SLC4A10: variants seen among roughly 807,000 people sequenced by gnomAD.
SLC4A10 encodes solute carrier family 4 member 10.
A neutral mutation model predicts 137.7 loss-of-function variants in SLC4A10; 42 were observed. The ratio of observed to expected loss-of-function variants is 0.30; its 90% CI spans 0.24 to 0.39. SLC4A10 has a LOEUF of 0.39. Among genes scored for constraint, SLC4A10 ranks in the 10% least tolerant of loss-of-function variants. SLC4A10 has a pLI of 1.00. For synonymous variants in SLC4A10, 474 were observed against 464.1 expected, an observed-to-expected ratio of 1.02 and a Z score of -0.27; for missense variants, 925 against 1,355.0, an observed-to-expected ratio of 0.68 and a Z score of 4.98.
At chr2:161,873,201 AACTG>A (rs1427833148) in intron 7 of SLC4A10, among the ~76,000 whole-genome samples, 4 of 152,178 alleles carry the variant, frequency 2.6e-5, no homozygotes, top group African/African-American at 9.7e-5. Context: ...ACATATTAAG[AACTG>A]ACTGTGTTGA....
At chr2:161,659,105 T>A (rs1298154578) in intron 1 of SLC4A10, among the ~76,000 whole-genome samples, 1 of 152,190 alleles carries the variant, frequency 6.6e-6, no homozygotes, top group Non-Finnish European at 1.5e-5. Flanking sequence ...CCTTCATTCA[T>A]GTGTTTATTA....
intron 3 of SLC4A10, among the ~76,000 whole-genome samples, chr2:161,810,069 G>C (rs2056389478): frequency 6.6e-6 from 1 of 151,928 alleles, no homozygotes; most frequent in South Asian, 2.1e-4. Context: ...GTGTTTTGTA[G>C]TTCTCCTTGT....
chr2:161,956,524 C>T (rs1477157341), intron 19 of SLC4A10, among the ~76,000 whole-genome samples: 4 of 151,896 alleles, frequency 2.6e-5, no homozygotes, highest in Non-Finnish European at 5.9e-5. Context: ...AGCACCCTGT[C>T]TGTGCAAGAG....
chr2:161,767,254 A>G (rs922515719), intron 1 of SLC4A10, among the ~76,000 whole-genome samples: 2 of 138,350 alleles, frequency 1.4e-5, no homozygotes, highest in Admixed American at 1.5e-4. Flanking sequence ...ATATATATAT[A>G]TTCAGGCTTT....
At chr2:161,979,523 TGTGA>T in intron 26 of SLC4A10, among the ~76,000 whole-genome samples, 1 of 152,264 alleles carries the variant, frequency 6.6e-6, no homozygotes, top group Non-Finnish European at 1.5e-5. Flanking sequence ...TGGTTTTCCA[TGTGA>T]GAAACATCTT....
At position 161,711,134 on chromosome 2, in the gene SLC4A10, C is replaced by T. The variant is rs189825503; in HGVS notation, c.49-59839C>T. On this transcript the variant is annotated intron_variant, in intron 1 of 26. Coordinates refer to ENST00000446997, the MANE Select transcript of SLC4A10 (RefSeq NM_001178015.2). ...AAGACTTTTAGAGTGCATAGTTTCTCGTATAGGGCTTTATAAACTGTGAAT... is the reference window on the plus strand; with the variant it reads ...AAGACTTTTAGAGTGCATAGTTTCTTGTATAGGGCTTTATAAACTGTGAAT... Among the ~76,000 whole-genome samples, 237 of 151,854 alleles carry T rather than the reference C, an allele frequency of 1.6e-3. 1 individual carries two copies. The highest frequency in any genetic ancestry group is 5.4e-3 in the African/African-American group (224 of 41,484).
rs544280511 is a variant in SLC4A10, at chr2:161,628,179, C to A, written c.48+3613C>A. 4.6e-5 allele frequency among the ~76,000 whole-genome samples: 7 copies of A among 152,088 alleles called. No individual in the cohort carries two copies. In the East Asian group the frequency reaches 1.4e-3, roughly 29 times the overall value. ...GAATTTGCTTTTAGGAGTAACCTAACAATTTAAAAATTATCAGGCCATGGA... is the reference window on the plus strand; with the variant it reads ...GAATTTGCTTTTAGGAGTAACCTAAAAATTTAAAAATTATCAGGCCATGGA... On this transcript the variant is annotated intron_variant, in intron 1 of 26. Coordinates refer to ENST00000446997, the MANE Select transcript of SLC4A10 (RefSeq NM_001178015.2).
chr2:161,969,646 G>GATCATGA (rs1313920473), intron 23 of SLC4A10, among the ~76,000 whole-genome samples: 1 of 152,130 alleles, frequency 6.6e-6, no homozygotes, highest in Non-Finnish European at 1.5e-5. Flanking sequence ...CTGTGGAAGT[G>GATCATGA]ATCATGATAG....
chr2:161,666,119 G>A (rs947779987), intron 1 of SLC4A10, among the ~76,000 whole-genome samples: 3 of 151,156 alleles, frequency 2.0e-5, no homozygotes, highest in African/African-American at 7.3e-5. Context: ...AATAAAAAAA[G>A]GACAGGTATC....
chr2:161,771,201 G>C, intron 2 of SLC4A10, 147 bp downstream of exon 2: 1 of 614,536 alleles, frequency 1.6e-6, no homozygotes, highest in Non-Finnish European at 2.9e-6. Flanking sequence ...TGATTGTTTT[G>C]GTACAGTTTG....
At position 161,906,178 on chromosome 2, in the gene SLC4A10, G is replaced by A. The variant is rs186705811; in HGVS notation, c.1997+291G>A. ...GAACCAATTCCATTTTAATATACAC[G>A]AATTTTACCTTAGCGAAATATATGT... On this transcript the variant is annotated intron_variant, in intron 15 of 26. Coordinates refer to ENST00000446997, the MANE Select transcript of SLC4A10 (RefSeq NM_001178015.2). 5.3e-3 allele frequency among the ~76,000 whole-genome samples: 806 copies of A among 152,148 alleles called. 2 individuals carry two copies. Among genetic ancestry groups the A allele is most frequent in the African/African-American group, 0.015 (630 of 41,506 alleles).
chr2:161,840,309 A>T (rs1175877853), intron 4 of SLC4A10, among the ~76,000 whole-genome samples: 1 of 152,246 alleles, frequency 6.6e-6, no homozygotes, highest in African/African-American at 2.4e-5. Flanking sequence ...GGCAAATATT[A>T]TGATAAAATG....
intron 8 of SLC4A10, among the ~76,000 whole-genome samples, chr2:161,875,577 G>T (rs1345500174): frequency 6.6e-6 from 1 of 152,176 alleles, no homozygotes; most frequent in Non-Finnish European, 1.5e-5. Flanking sequence ...TTAAAAAGCA[G>T]ATGTGTCAAA....
At chr2:161,889,881 G>A (rs1190620907) in intron 10 of SLC4A10, among the ~76,000 whole-genome samples, 3 of 152,170 alleles carry the variant, frequency 2.0e-5, no homozygotes, top group East Asian at 1.9e-4. Flanking sequence ...TGTGATGTTA[G>A]GGTGTCAATT....
At chr2:161,633,501 G>T (rs2033923258) in intron 1 of SLC4A10, among the ~76,000 whole-genome samples, 1 of 151,524 alleles carries the variant, frequency 6.6e-6, no homozygotes, top group South Asian at 2.1e-4. Context: ...AAGTTATCTA[G>T]GTTTTCAATG....
chr2:161,763,702 C>G (rs2050497686), intron 1 of SLC4A10, among the ~76,000 whole-genome samples: 1 of 152,134 alleles, frequency 6.6e-6, no homozygotes, highest in Admixed American at 6.6e-5. Flanking sequence ...CAGGGTCCAA[C>G]CCTCTGGCAT....
chr2:161,785,449 C>T (rs952294601), intron 2 of SLC4A10, among the ~76,000 whole-genome samples: 3 of 151,688 alleles, frequency 2.0e-5, no homozygotes, highest in African/African-American at 4.8e-5. Context: ...CTCTGATGAA[C>T]ATAGATGCAA....
At chr2:161,869,518 T>C (rs937926932) in intron 6 of SLC4A10, among the ~76,000 whole-genome samples, 1 of 151,634 alleles carries the variant, frequency 6.6e-6, no homozygotes, top group African/African-American at 2.4e-5. Context: ...TGGTTTTATA[T>C]ATACAGCAAA....
rs549372252 is a variant in SLC4A10 at position 161,980,231 on chromosome 2, T to C, written c.*26+2471T>C. Among the ~76,000 whole-genome samples the C allele has an allele frequency of 1.0e-3, 159 of 152,282 alleles. 1 individual carries two copies. Among genetic ancestry groups the C allele is most frequent in the Non-Finnish European group, 1.6e-3 (108 of 68,030 alleles). On this transcript the variant is annotated intron_variant, in intron 26 of 26. Coordinates refer to ENST00000446997, the MANE Select transcript of SLC4A10 (RefSeq NM_001178015.2). ...TGACAGAGGCTAGTCTCTGGGACTA[T>C]CCGCTCTACCCCCCAACACCCACCC... is the stretch of plus-strand genomic sequence containing the variant.
Sources: gnomAD v4.1 joint callset for allele counts (sites outside exome capture counted in the v4.1 genomes callset) on GRCh38, gnomAD v4.1.1 for gene constraint, MANE v1.5 for transcripts, NCBI Gene and HGNC (gene_info 2026-07-23, HGNC 2026-07-21) for gene names.